Variants in KLF8 observed in about 807,000 individuals in gnomAD.
The protein encoded by KLF8 is Krueppel-like factor 8.
A neutral mutation model predicts 18.2 loss-of-function variants in KLF8; 10 were observed. The observed-to-expected ratio is 0.55, with a 90% CI of 0.34 to 0.93. The LOEUF (loss-of-function observed/expected upper bound fraction) is 0.93. KLF8 is among the 40% of genes least tolerant of loss of function. KLF8 has a pLI of 0.02. For missense variants in KLF8, 264 were observed against 277.9 expected (o/e 0.95, Z 0.36); for synonymous variants, 109 against 97.3 (o/e 1.12, Z -0.71).
chrX:56,082,693 C>T, the KLF8 span, among the ~76,000 whole-genome samples: 1 of 111,452 alleles, frequency 9.0e-6, no homozygotes, highest in African/African-American at 3.3e-5. Flanking sequence ...ATGGTTTCTT[C>T]TCCTTTTAAT....
the KLF8 span, among the ~76,000 whole-genome samples, chrX:55,957,182 G>A: frequency 9.0e-6 from 1 of 111,151 alleles, no homozygotes; most frequent in Non-Finnish European, 1.9e-5. Flanking sequence ...GGCACCCCTG[G>A]CAAATATCGT....
At chrX:56,178,290 A>G in the KLF8 span, among the ~76,000 whole-genome samples, 1 of 112,380 alleles carries the variant, frequency 8.9e-6, no homozygotes, top group Admixed American at 9.4e-5. Flanking sequence ...TTCTTTTTAG[A>G]AGTGTCTGTT....
the KLF8 span, among the ~76,000 whole-genome samples, chrX:55,937,850 G>A: frequency 8.9e-6 from 1 of 111,820 alleles, no homozygotes; most frequent in East Asian, 2.8e-4. Flanking sequence ...AATGAGCAAA[G>A]CCTCCAACAA....
the KLF8 span, among the ~76,000 whole-genome samples, chrX:56,113,237 T>C: frequency 9.1e-6 from 1 of 109,538 alleles, no homozygotes; most frequent in Non-Finnish European, 1.9e-5. Context: ...TCTAGGAAGT[T>C]GAATGTCTAG....
At chrX:55,929,305 C>A in the KLF8 span, among the ~76,000 whole-genome samples, 1 of 111,793 alleles carries the variant, frequency 8.9e-6, no homozygotes, top group African/African-American at 3.2e-5. Flanking sequence ...AATTTTCTCC[C>A]ATTCTTTAGG....
At chrX:56,190,017 T>C in the KLF8 span, among the ~76,000 whole-genome samples, 8 of 109,272 alleles carry the variant, frequency 7.3e-5, no homozygotes. Context: ...ACTTAAAGTA[T>C]AATAATAATA....
the KLF8 span, among the ~76,000 whole-genome samples, chrX:56,201,459 A>G: frequency 9.0e-6 from 1 of 111,439 alleles, no homozygotes; most frequent in African/African-American, 3.3e-5. Context: ...TGGGGCGGGG[A>G]ATGGAGAGAT....
chrX:56,263,487 T>C (rs1204936240), intron 2 of KLF8, among the ~76,000 whole-genome samples: 2 of 83,525 alleles, frequency 2.4e-5, no homozygotes, highest in African/African-American at 6.7e-5. Flanking sequence ...CTCTGAGCAT[T>C]GTTGTCATGT....
the KLF8 span, among the ~76,000 whole-genome samples, chrX:56,055,995 A>G: frequency 1.8e-5 from 2 of 111,142 alleles, no homozygotes; most frequent in Non-Finnish European, 3.8e-5. Context: ...GCTTATATAG[A>G]TTCGGTTTTG....
At chrX:56,262,499 A>G (rs1170329053) in intron 2 of KLF8, among the ~76,000 whole-genome samples, 1 of 111,180 alleles carries the variant, frequency 9.0e-6, no homozygotes, top group African/African-American at 3.3e-5. Flanking sequence ...TGTTTATTTT[A>G]TAGTTAGGAT....
At chrX:56,126,783 C>T in the KLF8 span, among the ~76,000 whole-genome samples, 26 of 96,083 alleles carry the variant, frequency 2.7e-4, no homozygotes, top group East Asian at 5.8e-3. Flanking sequence ...GACGAAGTCT[C>T]GCTCTTGTAC....
At chrX:55,961,996 T>C in the KLF8 span, 1 of 164,745 alleles carries the variant, frequency 6.1e-6, no homozygotes. Flanking sequence ...CAAAGAGCAT[T>C]AATTTTTGTC....
the KLF8 span, among the ~76,000 whole-genome samples, chrX:56,043,109 A>T: frequency 1.8e-5 from 2 of 111,497 alleles, no homozygotes; most frequent in Admixed American, 9.5e-5. Context: ...TCTGTTTTGG[A>T]AATCCTTTTT....
chrX:56,024,821 G>A, the KLF8 span, among the ~76,000 whole-genome samples: 1 of 112,113 alleles, frequency 8.9e-6, no homozygotes, highest in Non-Finnish European at 1.9e-5. Context: ...TTTGGGTCTG[G>A]TGCCTGGCAC....
the KLF8 span, among the ~76,000 whole-genome samples, chrX:55,956,161 CTATCTATCATCT>C: frequency 1.5e-4 from 14 of 96,451 alleles, no homozygotes; most frequent in African/African-American, 5.2e-5. Context: ...ATCTATCTAT[CTATCTATCATCT>C]ATCTATCTAT....
the KLF8 span, among the ~76,000 whole-genome samples, chrX:56,064,241 T>C: frequency 9.2e-6 from 1 of 109,147 alleles, no homozygotes; most frequent in African/African-American, 3.3e-5. Flanking sequence ...GGAGGTATTA[T>C]ATTCTCCTGC....
chrX:56,187,627 A>G, the KLF8 span, among the ~76,000 whole-genome samples: 7 of 111,601 alleles, frequency 6.3e-5, no homozygotes, highest in Non-Finnish European at 1.3e-4. Context: ...TTCCTCAATA[A>G]AATACTGGCA....
At chrX:56,280,770 A>G (rs1282901178) in intron 5 of KLF8, among the ~76,000 whole-genome samples, 3 of 112,126 alleles carry the variant, frequency 2.7e-5, no homozygotes, top group African/African-American at 6.5e-5. Context: ...TGAATACTCA[A>G]TAAATGCTAG....
At chrX:56,257,237 G>C (rs192120482) in intron 2 of KLF8, among the ~76,000 whole-genome samples, 21 of 111,345 alleles carry the variant, frequency 1.9e-4, no homozygotes, top group Non-Finnish European at 5.7e-5. Flanking sequence ...GTCTGTCACT[G>C]AGAATGATCC....
Sources: gnomAD v4.1 joint callset for allele counts (sites outside exome capture counted in the v4.1 genomes callset) on GRCh38, gnomAD v4.1.1 for gene constraint, MANE v1.5 for transcripts, NCBI Gene and HGNC (gene_info 2026-07-23, HGNC 2026-07-21) for gene names.